Variants in SRRM1 observed in about 807,000 individuals in gnomAD.
The protein encoded by SRRM1 is serine/arginine repetitive matrix protein 1.
In SRRM1, 19 loss-of-function variants were observed where a neutral mutation model predicts 110.2. That is an observed-to-expected ratio of 0.17 (90% CI 0.12 to 0.25). The LOEUF (loss-of-function observed/expected upper bound fraction) is 0.25. Ranked by LOEUF, SRRM1 falls within the 10% of genes least tolerant of loss-of-function variation. The pLI is 1.00. For synonymous variants in SRRM1, 443 were observed against 414.9 expected, an observed-to-expected ratio of 1.07 and a Z score of -0.82; for missense variants, 918 against 1,145.8, an observed-to-expected ratio of 0.80 and a Z score of 2.87.
intron 13 of SRRM1, among the ~76,000 whole-genome samples, chr1:24,667,556 A>G (rs1670614307): frequency 6.6e-6 from 1 of 152,220 alleles, no homozygotes; most frequent in African/African-American, 2.4e-5. Context: ...TTAGGAAATA[A>G]TCAGACAAAC....
chr1:24,651,219 A>G (rs1303694683), intron 5 of SRRM1, among the ~76,000 whole-genome samples, 190 bp from the exon 6 acceptor site: 1 of 152,174 alleles, frequency 6.6e-6, no homozygotes. Flanking sequence ...ATACTCGAGA[A>G]TGTTATCTTT....
At chr1:24,670,075 G>A in intron 14 of SRRM1, 45 bp from the exon 15 acceptor site, 1 of 1,491,672 alleles carries the variant, frequency 6.7e-7, no homozygotes, top group Non-Finnish European at 9.0e-7. Context: ...CATGTGAAGA[G>A]AGATGGCTGT....
intron 12 of SRRM1, among the ~76,000 whole-genome samples, chr1:24,663,745 C>T (rs1029761644): frequency 5.9e-5 from 9 of 151,774 alleles, no homozygotes; most frequent in Non-Finnish European, 1.0e-4. Context: ...GGAGTGTTGG[C>T]GCGTGCCTGT....
rs987297328 is a variant in SRRM1, at chr1:24,673,272, G to C, written c.*986G>C. The C allele has an allele frequency of 2.7e-5, 4 of 149,438 alleles. No individual in the cohort carries two copies. Among genetic ancestry groups the C allele is most frequent in the Non-Finnish European group, 4.5e-5 (3 of 67,240 alleles). The allele number at this position is 149,438 out of a possible 1,614,324, so 9.3% of individuals were successfully genotyped here. On this transcript the variant is annotated 3_prime_UTR_variant, in exon 17 of 17. Coordinates refer to ENST00000323848, the MANE Select transcript of SRRM1 (RefSeq NM_005839.4). ...ATAAATTTCTAAATTTAAAAATTTTGCCACTCTTACTTAGTAGTGCTTATG... is the reference window on the plus strand; with the variant it reads ...ATAAATTTCTAAATTTAAAAATTTTCCCACTCTTACTTAGTAGTGCTTATG...
intron 2 of SRRM1, 125 bp downstream of exon 2, chr1:24,646,198 CT>C: frequency 1.4e-6 from 1 of 700,622 alleles, no homozygotes; most frequent in Non-Finnish European, 2.4e-6. Flanking sequence ...CATTAACCAC[CT>C]TTTAGCCACC....
At chr1:24,653,429 A>G (rs1432633263) in intron 8 of SRRM1, among the ~76,000 whole-genome samples, 4 of 152,196 alleles carry the variant, frequency 2.6e-5, no homozygotes, top group Non-Finnish European at 4.4e-5. Flanking sequence ...ATACTTTGAG[A>G]AAAGTATTTT....
intron 11 of SRRM1, 129 bp downstream of exon 11, chr1:24,661,525 T>C: frequency 3.2e-6 from 2 of 615,506 alleles, no homozygotes; most frequent in South Asian, 8.1e-5. Flanking sequence ...GGAGGCAGGA[T>C]TGTTTCTTTT....
intron 2 of SRRM1, among the ~76,000 whole-genome samples, chr1:24,646,446 G>A (rs575991628): frequency 1.1e-4 from 16 of 151,058 alleles, no homozygotes; most frequent in Non-Finnish European, 1.5e-4. Flanking sequence ...AGAATGGCAC[G>A]AACCTGGGAG....
intron 6 of SRRM1, among the ~76,000 whole-genome samples, chr1:24,652,029 A>AAT (rs1215778545): frequency 0.099 from 7,885 of 79,680 alleles, 665 homozygotes; most frequent in Middle Eastern, 0.17. Flanking sequence ...CTGTACTAAA[A>AAT]ATATATATAT....
At chr1:24,648,770 A>G (rs1398489674) in intron 3 of SRRM1, 89 bp from the exon 4 acceptor site, 1 of 1,203,844 alleles carries the variant, frequency 8.3e-7, no homozygotes, top group African/African-American at 1.5e-5. Context: ...CTTAAAAAAT[A>G]CTAATTTAAA....
intron 7 of SRRM1, 22 bp from the exon 8 acceptor site, chr1:24,652,891 C>G (rs1219236753): frequency 1.9e-6 from 3 of 1,610,956 alleles, no homozygotes; most frequent in Non-Finnish European, 2.5e-6. Flanking sequence ...TATTCAGGAC[C>G]TAATTCTCTT....
intron 12 of SRRM1, among the ~76,000 whole-genome samples, chr1:24,666,219 A>G (rs1005980630): frequency 6.6e-6 from 1 of 152,228 alleles, no homozygotes; most frequent in Non-Finnish European, 1.5e-5. Context: ...TGTCATGTCA[A>G]GAATGTTTGG....
chr1:24,669,093 T>C, intron 13 of SRRM1, 30 bp from the exon 14 acceptor site: 1 of 1,583,530 alleles, frequency 6.3e-7, no homozygotes. Flanking sequence ...TTGTTGAGCC[T>C]TTCAGCTTAA....
intron 11 of SRRM1, 24 bp from the exon 12 acceptor site, chr1:24,662,636 A>AT (rs774411064): frequency 1.9e-6 from 3 of 1,608,034 alleles, no homozygotes; most frequent in South Asian, 1.1e-5. Flanking sequence ...CTAATGTAAT[A>AT]TTTTTTTAAT....
chr1:24,660,228 A>G (rs1292023450), intron 9 of SRRM1, among the ~76,000 whole-genome samples: 1 of 152,124 alleles, frequency 6.6e-6, no homozygotes, highest in Non-Finnish European at 1.5e-5. Context: ...TAGATTGTGG[A>G]GCTCGTGTAG....
chr1:24,652,933 G>A lies in SRRM1; in HGVS notation c.941G>A (p.Arg314Gln). The A allele has an allele frequency of 7.4e-6, 12 of 1,613,766 alleles. No individual in the cohort carries two copies. The highest frequency in any genetic ancestry group is 2.2e-5 in the South Asian group (2 of 90,986). Residue 314 changes from arginine to glutamine, a missense_variant, in exon 8 of 17, where the codon CGG becomes CAG. Transcript: ENST00000323848. Reference protein sequence around the residue: ...SRSRSYSPRRRPSPRRRPSPR... With the variant: ...SRSRSYSPRRQPSPRRRPSPR... ...GGCAGATCGTATTCACCTAGAAGGC[G>A]GCCAAGCCCAAGAAGGCGGCCATCT...
intron 9 of SRRM1, among the ~76,000 whole-genome samples, chr1:24,658,076 T>C (rs1366275413): frequency 6.6e-6 from 1 of 152,142 alleles, no homozygotes; most frequent in South Asian, 2.1e-4. Flanking sequence ...AACATTAACA[T>C]AAAGTAAATG....
intron 4 of SRRM1, 129 bp from the exon 5 acceptor site, chr1:24,649,842 A>G: frequency 1.4e-6 from 1 of 707,148 alleles, no homozygotes. Context: ...TGAAGAAAGA[A>G]CAGGTCTGGT....
Position 24,652,054 on chromosome 1 carries a change from A to ATATAT in SRRM1, c.726-379_726-375dup, listed in dbSNP as rs1553167408. Among the ~76,000 whole-genome samples, 7 of 134,728 alleles carry ATATAT rather than the reference A, an allele frequency of 5.2e-5. No homozygotes were observed. In the Admixed American group the frequency reaches 5.3e-4, roughly 10 times the overall value. 88.4% of individuals were successfully genotyped at this position (134,728 alleles called of 152,430 possible). On this transcript the variant is annotated intron_variant, in intron 6 of 16. Coordinates refer to ENST00000323848, the MANE Select transcript of SRRM1 (RefSeq NM_005839.4). ...AATATATATATATATATATATATAT[A>ATATAT]TATATATATGTACACACACACACAC...
Sources: gnomAD v4.1 joint callset for allele counts (sites outside exome capture counted in the v4.1 genomes callset) on GRCh38, gnomAD v4.1.1 for gene constraint, MANE v1.5 for transcripts, NCBI Gene and HGNC (gene_info 2026-07-23, HGNC 2026-07-21) for gene names.